The following GJD4 variants were observed in gnomAD, a reference collection of about 807,000 sequenced individuals.
The protein encoded by GJD4 is gap junction delta-4 protein.
A neutral mutation model predicts 17.9 loss-of-function variants in GJD4; 18 were observed. That is an observed-to-expected ratio of 1.00 (90% CI 0.69 to 1.49). The LOEUF (loss-of-function observed/expected upper bound fraction) is 1.49, where lower values mean the gene tolerates loss of function less well. Ranked by LOEUF, GJD4 falls within the 40% of genes most tolerant of loss-of-function variation. GJD4 has a pLI of 0.00. For missense variants in GJD4, 639 were observed against 506.9 expected, an observed-to-expected ratio of 1.26 and a Z score of -2.50; for synonymous variants, 293 against 236.8, an observed-to-expected ratio of 1.24 and a Z score of -2.18.
chr10:35,607,569 C>T lies in GJD4; in HGVS notation c.65-9C>T, dbSNP rs774212939. The T allele has an allele frequency of 1.1e-5, 17 of 1,609,472 alleles. No individual in the cohort carries two copies. Among genetic ancestry groups the T allele is most frequent in the Admixed American group, 5.0e-5 (3 of 59,826 alleles). On this transcript the variant is annotated splice_polypyrimidine_tract_variant and intron_variant, in intron 1 of 1. Coordinates refer to ENST00000321660, the MANE Select transcript of GJD4 (RefSeq NM_153368.3). ...GGTGATGAGGCCATGCCCGCTTCCTCTCTTCCAGGAAAGCTCTGGTTCGTC... is the reference window on the plus strand; with the variant it reads ...GGTGATGAGGCCATGCCCGCTTCCTTTCTTCCAGGAAAGCTCTGGTTCGTC...
In GJD4 at chr10:35,608,444, CGGG is replaced by C. The variant is rs1284740332; in HGVS notation, c.933_935del (p.Gly312del). 6.5e-7 allele frequency: 1 copy of C among 1,547,228 alleles called. No individual in the cohort carries two copies. Among genetic ancestry groups the C allele is most frequent in the African/African-American group, 1.4e-5 (1 of 72,576 alleles). On this transcript the variant is annotated inframe_deletion, in exon 2 of 2. Transcript: ENST00000321660. Reference sequence around the variant, plus strand: ...CAGCGAAAAGCTGGGCAGACAGCCCCGGGGCAGGCCCCACCGAGAGGCCGCCCA... The same window carrying C: ...CAGCGAAAAGCTGGGCAGACAGCCCCGCAGGCCCCACCGAGAGGCCGCCCA...
At chr10:35,605,833 G>A (rs637881) in intron 1 of GJD4, 517,194 of 589,750 alleles carry the variant, frequency 0.88, 235,367 homozygotes, top group Non-Finnish European at 0.96. Flanking sequence ...GAATGGTTCC[G>A]CGGTTCCTCC....
intron 1 of GJD4, 28 bp from the exon 2 acceptor site, chr10:35,607,550 G>A: frequency 6.5e-7 from 1 of 1,547,126 alleles, no homozygotes; most frequent in Non-Finnish European, 8.9e-7. Flanking sequence ...TCGGGGTGAT[G>A]AGGCCATGCC....
At chr10:35,605,927 A>G (rs1387259785) in intron 1 of GJD4, 3 of 402,052 alleles carry the variant, frequency 7.5e-6, no homozygotes, top group Non-Finnish European at 1.3e-5. Context: ...CCAAAGACCA[A>G]AGCAGGTGGA....
At position 35,608,057 on chromosome 10, in the gene GJD4, G is replaced by A. The variant is rs746165291; in HGVS notation, c.544G>A (p.Gly182Ser). 2 of 1,610,350 alleles carry A rather than the reference G, an allele frequency of 1.2e-6. No homozygotes were observed. Among genetic ancestry groups the A allele is most frequent in the African/African-American group, 1.3e-5 (1 of 74,852 alleles). ...CCCTTGCACGCGCCCTCCGTGCACG[G>A]GCGTGGTGGACTGCTACGTGTCGCG... The part of the protein sequence containing the change: ...KFPCTRPPCT[G>S]VVDCYVSRPT... The change falls in exon 2 of 2, where the codon GGC becomes AGC. Residue 182 changes from glycine (G) to serine (S), a missense_variant. Gly to Ser is a moderately conservative substitution (Grantham distance 56, BLOSUM62 0). Transcript: ENST00000321660.
In GJD4 at chr10:35,607,835, C is replaced by T. The variant is rs148077650; in HGVS notation, c.322C>T (p.Pro108Ser). Residue 108 changes from proline to serine, a missense_variant, in exon 2 of 2, where the codon CCC (proline) becomes TCC (serine). Transcript: ENST00000321660. ...AGGAGCCACGCTCGCCGCGCTGGGC[C>T]CCCGCCGCTGCCCCGACCCCCGGGA... ...HRGATLAALG[P>S]RRCPDPREPA... is the part of the protein sequence containing the mutation. The T allele has an allele frequency of 7.6e-5, 122 of 1,600,990 alleles. No individual in the cohort carries two copies. Among genetic ancestry groups the T allele is most frequent in the Non-Finnish European group, 9.6e-5 (113 of 1,179,322 alleles).
At chr10:35,605,962 G>A (rs893966864) in intron 1 of GJD4, 1 of 315,512 alleles carries the variant, frequency 3.2e-6, no homozygotes, top group Non-Finnish European at 5.7e-6. Context: ...CAACCCTGGT[G>A]TGGCTACGTT....
chr10:35,607,419 CCAA>C (rs557609570), intron 1 of GJD4, 156 bp from the exon 2 acceptor site: 284 of 632,622 alleles, frequency 4.5e-4, no homozygotes, highest in Admixed American at 6.2e-4. Context: ...GACCCTGTGT[CCAA>C]CAACAACAAC....
At position 35,607,736 on chromosome 10, in the gene GJD4, C is replaced by T; in HGVS notation, c.223C>T (p.Leu75=). 1 of 1,613,588 alleles carries T rather than the reference C, an allele frequency of 6.2e-7. No individual in the cohort carries two copies. Among genetic ancestry groups the T allele is most frequent in the Non-Finnish European group, 8.5e-7 (1 of 1,180,040 alleles). The part of the protein sequence containing the change: ...CYDVFSPVSH[L]RFWLIQGVCV... Reference sequence around the variant, plus strand: ...CGACGTCTTCTCCCCCGTGTCTCACCTGCGGTTCTGGCTGATCCAGGGCGT... The same window carrying T: ...CGACGTCTTCTCCCCCGTGTCTCACTTGCGGTTCTGGCTGATCCAGGGCGT... The change falls in exon 2 of 2, where the codon CTG becomes TTG. Residue 75 remains leucine, a synonymous_variant. Coordinates refer to ENST00000321660, the MANE Select transcript of GJD4 (RefSeq NM_153368.3).
In GJD4 at chr10:35,608,611, G is replaced by T; in HGVS notation, c.1098G>T (p.Lys366Asn). ...SSGAPHLRAR[K>N]SEWV Reference sequence around the variant, plus strand: ...GTGCTCCCCACCTGAGAGCCAGGAAGTCTGAGTGGGTGTGAAAAAAACAGC... The same window carrying T: ...GTGCTCCCCACCTGAGAGCCAGGAATTCTGAGTGGGTGTGAAAAAAACAGC... The change falls in exon 2 of 2, where the codon AAG becomes AAT. Residue 366 changes from lysine to asparagine, a missense_variant. Transcript: ENST00000321660. The T allele has an allele frequency of 2.0e-6, 3 of 1,500,610 alleles. No individual in the cohort carries two copies. The highest frequency in any genetic ancestry group is 2.7e-6 in the Non-Finnish European group (3 of 1,127,798). 93.0% of individuals were successfully genotyped at this position (1,500,610 alleles called of 1,614,324 possible).
At chr10:35,606,979 C>T (rs978368279) in intron 1 of GJD4, 3 of 152,532 alleles carry the variant, frequency 2.0e-5, no homozygotes, top group Admixed American at 1.3e-4. Flanking sequence ...GATCCCTGGA[C>T]TGTTGTCATA....
At chr10:35,607,442 A>T in intron 1 of GJD4, 136 bp from the exon 2 acceptor site, 1 of 674,162 alleles carries the variant, frequency 1.5e-6, no homozygotes. Context: ...CAACGACAAC[A>T]CAAACAAACA....
rs757046952 is a variant in GJD4, at chr10:35,608,651, C to G, written c.*25C>G. ...AAAAAAACAGCACCTGGCGGTGCCC[C>G]GGGGCTCACGCCTGTAATCCCAACA... On this transcript the variant is annotated 3_prime_UTR_variant, in exon 2 of 2. Coordinates refer to ENST00000321660, the MANE Select transcript of GJD4 (RefSeq NM_153368.3). 5 of 1,443,826 alleles carry G rather than the reference C, an allele frequency of 3.5e-6. No individual in the cohort carries two copies. The highest frequency in any genetic ancestry group is 2.9e-5 in the Admixed American group (1 of 35,068). 89.4% of individuals were successfully genotyped at this position (1,443,826 alleles called of 1,614,324 possible). A position where few individuals can be genotyped will look rare whatever the true frequency, so the allele number is the denominator to read the frequency against.
intron 1 of GJD4, 43 bp downstream of exon 1, chr10:35,605,674 T>G: frequency 1.4e-6 from 2 of 1,444,208 alleles, no homozygotes; most frequent in Non-Finnish European, 2.0e-6. Context: ...CTGTTTTTAT[T>G]TCCACTGCCA....
chr10:35,605,432 T>C lies in GJD4; in HGVS notation c.-136T>C, dbSNP rs1835442729. The stretch of plus-strand genomic sequence containing the variant: ...GACAGAAAAACCCACCTCCTACTCC[T>C]GGCTCAGACCTTTGCTTTCTTATCT... On this transcript the variant is annotated 5_prime_UTR_variant, in exon 1 of 2. Coordinates refer to ENST00000321660, the MANE Select transcript of GJD4 (RefSeq NM_153368.3). 2.7e-6 allele frequency: 2 copies of C among 744,836 alleles called. No individual in the cohort carries two copies. Among genetic ancestry groups the C allele is most frequent in the Non-Finnish European group, 2.3e-6 (1 of 426,292 alleles). 46.1% of individuals were successfully genotyped at this position (744,836 alleles called of 1,614,324 possible).
In GJD4 at chr10:35,608,767, G is replaced by A. The variant is rs892560006; in HGVS notation, c.*141G>A. The A allele has an allele frequency of 6.7e-6, 4 of 595,340 alleles. No individual in the cohort carries two copies. Among genetic ancestry groups the A allele is most frequent in the African/African-American group, 2.0e-5 (1 of 50,768 alleles). The allele number at this position is 595,340 out of a possible 1,614,324, so 36.9% of individuals were successfully genotyped here. ...GCCTGGACAACATAATGAGACCCTC[G>A]TCTCTACAAAATATCTAAAAATTAG... On this transcript the variant is annotated 3_prime_UTR_variant, in exon 2 of 2. Coordinates refer to ENST00000321660, the MANE Select transcript of GJD4 (RefSeq NM_153368.3).
Position 35,607,754 on chromosome 10 carries a change from C to T in GJD4, c.241C>T (p.Gln81Ter), listed in dbSNP as rs778474094. 7 of 1,612,570 alleles carry T rather than the reference C, an allele frequency of 4.3e-6. No homozygotes were observed. The African/African-American group carries it at 9.3e-5, about 22-fold the overall frequency. Reference sequence around the variant, plus strand: ...GTCTCACCTGCGGTTCTGGCTGATCCAGGGCGTGTGCGTCCTCCTCCCCTC... The same window carrying T: ...GTCTCACCTGCGGTTCTGGCTGATCTAGGGCGTGTGCGTCCTCCTCCCCTC... ...PVSHLRFWLI[Q>*]GVCVLLPSAV... Residue 81 changes from glutamine to a stop codon, truncating the protein, a stop_gained, in exon 2 of 2, where the codon CAG (glutamine) becomes TAG (stop). Transcript: ENST00000321660. LOFTEE classifies it high-confidence loss of function.
rs988110737 is a variant in GJD4, at chr10:35,605,512, G to C, written c.-56G>C. On this transcript the variant is annotated 5_prime_UTR_variant, in exon 1 of 2. Coordinates refer to ENST00000321660, the MANE Select transcript of GJD4 (RefSeq NM_153368.3). ...TAAAGGACATTTATCCGCCTCCTTGGAGAACACAGCCCTCCAGTGTCTCCT... is the reference window on the plus strand; with the variant it reads ...TAAAGGACATTTATCCGCCTCCTTGCAGAACACAGCCCTCCAGTGTCTCCT... 2.2e-6 allele frequency: 3 copies of C among 1,366,722 alleles called. No individual in the cohort carries two copies. The African/African-American group carries it at 4.3e-5, about 20-fold the overall frequency. 84.7% of individuals were successfully genotyped at this position (1,366,722 alleles called of 1,614,324 possible). A position where few individuals can be genotyped will look rare whatever the true frequency, so the allele number is the denominator to read the frequency against.
Position 35,605,550 on chromosome 10 carries a change from C to T in GJD4, c.-18C>T. 6.2e-7 allele frequency: 1 copy of T among 1,611,104 alleles called. No homozygotes were observed. Among genetic ancestry groups the T allele is most frequent in the Non-Finnish European group, 8.5e-7 (1 of 1,177,268 alleles). On this transcript the variant is annotated 5_prime_UTR_variant, in exon 1 of 2. Coordinates refer to ENST00000321660, the MANE Select transcript of GJD4 (RefSeq NM_153368.3). ...TCCAGTGTCTCCTGCAGCCTGGAGC[C>T]TGGGACATTCTGGAAGCATGGAAGG... is the stretch of plus-strand genomic sequence containing the variant.
Sources: allele counts gnomAD v4.1 joint callset, GRCh38; gene constraint gnomAD v4.1.1; transcripts MANE v1.5; gene names NCBI Gene and HGNC (gene_info 2026-07-23, HGNC 2026-07-21).